Variants in ERC2 observed in about 807,000 individuals in gnomAD.
ERC2 encodes the protein ELKS/RAB6-interacting/CAST family member 2, also known as ERC protein 2.
ERC2 carries 42 observed loss-of-function variants against 114.8 expected under a neutral mutation model. The ratio of observed to expected loss-of-function variants is 0.37; its 90% CI spans 0.29 to 0.47. The LOEUF is 0.47. Ranked by LOEUF, ERC2 falls within the 20% of genes least tolerant of loss-of-function variation. The probability of loss-of-function intolerance (pLI) is 0.99; values close to 1 mark genes in which losing one functional copy is unlikely to be tolerated. For missense variants in ERC2, 939 were observed against 1,150.7 expected (o/e 0.82, Z 2.66); for synonymous variants, 454 against 425.5 (o/e 1.07, Z -0.82).
At chr3:56,423,681 G>GA (rs1235464179) in intron 2 of ERC2, among the ~76,000 whole-genome samples, 2 of 152,150 alleles carry the variant, frequency 1.3e-5, no homozygotes, top group Non-Finnish European at 2.9e-5. Context: ...TCAAGCACTG[G>GA]CTTCACAGAG....
rs1367669641 is a variant in ERC2 at position 56,220,569 on chromosome 3, G to A, written c.1075-47049C>T. ...CAACATAAAGCTGTCTCATCAGTCAGCAATGCCACTGTAGCTGGCGTGCCT... is the reference window on the plus strand; with the variant it reads ...CAACATAAAGCTGTCTCATCAGTCAACAATGCCACTGTAGCTGGCGTGCCT... On this transcript the variant is annotated intron_variant, in intron 3 of 17. Transcript: ENST00000288221. Among the ~76,000 whole-genome samples the A allele has an allele frequency of 3.9e-5, 6 of 152,234 alleles. No homozygotes were observed. The East Asian group carries it at 1.2e-3, about 29-fold the overall frequency.
chr3:56,239,972 T>C (rs1370793252), intron 3 of ERC2, among the ~76,000 whole-genome samples: 1 of 152,242 alleles, frequency 6.6e-6, no homozygotes, highest in Non-Finnish European at 1.5e-5. Context: ...AATTGATTTA[T>C]ACAGACAGGA....
At position 55,906,947 on chromosome 3, in the gene ERC2, C is replaced by G. The variant is rs188147624; in HGVS notation, c.2404-18398G>C. Among the ~76,000 whole-genome samples, 547 of 152,270 alleles carry G rather than the reference C, an allele frequency of 3.6e-3. 2 individuals are homozygous for G. Among genetic ancestry groups the G allele is most frequent in the African/African-American group, 0.012 (515 of 41,562 alleles). ...CAGCCATATCACTGGCATGGGAATCCTGCCTTTTCTGTAGTGATGGCCCAG... is the reference window on the plus strand; with the variant it reads ...CAGCCATATCACTGGCATGGGAATCGTGCCTTTTCTGTAGTGATGGCCCAG... On this transcript the variant is annotated intron_variant, in intron 13 of 17. Transcript: ENST00000288221.
chr3:55,686,345 A>T (rs2062331078), intron 16 of ERC2, among the ~76,000 whole-genome samples: 2 of 152,352 alleles, frequency 1.3e-5, no homozygotes, highest in South Asian at 4.1e-4. Context: ...TTAGTTTTTT[A>T]AAGTTTAAAG....
intron 14 of ERC2, among the ~76,000 whole-genome samples, chr3:55,740,704 A>G (rs531755518): frequency 6.6e-6 from 1 of 152,308 alleles, no homozygotes; most frequent in Admixed American, 6.5e-5. Context: ...CTAGAATTAA[A>G]CTAAATCTTA....
intron 14 of ERC2, among the ~76,000 whole-genome samples, chr3:55,855,429 A>G (rs1301971581): frequency 6.6e-6 from 1 of 152,274 alleles, no homozygotes; most frequent in Non-Finnish European, 1.5e-5. Flanking sequence ...AACTTCCAAG[A>G]AAAGTACATT....
intron 13 of ERC2, among the ~76,000 whole-genome samples, chr3:55,898,719 A>ATT (rs543601529): frequency 6.7e-6 from 1 of 149,228 alleles, no homozygotes; most frequent in Non-Finnish European, 1.5e-5. Context: ...TTGGATTTCC[A>ATT]TTTTTTTTTT....
intron 13 of ERC2, among the ~76,000 whole-genome samples, chr3:55,937,985 C>T (rs1355409407): frequency 6.6e-6 from 1 of 152,186 alleles, no homozygotes; most frequent in East Asian, 1.9e-4. Context: ...AAAACTCAAG[C>T]TGCCTTTACT....
At chr3:55,937,587 G>A in intron 13 of ERC2, among the ~76,000 whole-genome samples, 1 of 152,136 alleles carries the variant, frequency 6.6e-6, no homozygotes, top group South Asian at 2.1e-4. Flanking sequence ...CACCTCCAGG[G>A]GGGTCACTGA....
chr3:55,528,053 G>A (rs778452168), intron 17 of ERC2, among the ~76,000 whole-genome samples: 1 of 152,020 alleles, frequency 6.6e-6, no homozygotes, highest in Non-Finnish European at 1.5e-5. Flanking sequence ...TACATGAAAG[G>A]GCTTCATAAG....
intron 17 of ERC2, among the ~76,000 whole-genome samples, chr3:55,671,948 A>G (rs1464563140): frequency 6.6e-6 from 1 of 152,206 alleles, no homozygotes; most frequent in Admixed American, 6.5e-5. Context: ...ACCCTGGCCT[A>G]TTGAAGGCTC....
intron 17 of ERC2, among the ~76,000 whole-genome samples, chr3:55,604,250 T>TC (rs2058545996): frequency 6.6e-6 from 1 of 151,986 alleles, no homozygotes; most frequent in South Asian, 2.1e-4. Context: ...ACCGAGACCC[T>TC]CCCCTCAAAC....
intron 14 of ERC2, among the ~76,000 whole-genome samples, chr3:55,741,103 T>A (rs572241519): frequency 2.4e-4 from 37 of 152,322 alleles, no homozygotes; most frequent in African/African-American, 8.4e-4. Context: ...TATCCCTGCC[T>A]TAAAGGTCAG....
intron 3 of ERC2, among the ~76,000 whole-genome samples, chr3:56,255,938 C>G (rs2052485294): frequency 6.6e-6 from 1 of 152,176 alleles, no homozygotes; most frequent in Non-Finnish European, 1.5e-5. Context: ...CTGCATTTGA[C>G]AAGATTCCCA....
At position 56,240,162 on chromosome 3, in the gene ERC2, G is replaced by A. The variant is rs190930948; in HGVS notation, c.1074+55857C>T. Among the ~76,000 whole-genome samples, 290 of 152,306 alleles carry A rather than the reference G, an allele frequency of 1.9e-3. 2 individuals are homozygous for A. The highest frequency in any genetic ancestry group is 3.6e-3 in the Non-Finnish European group (245 of 68,030). On this transcript the variant is annotated intron_variant, in intron 3 of 17. Coordinates refer to ENST00000288221, the MANE Select transcript of ERC2 (RefSeq NM_015576.3). ...TTAAATCCTGTGCTTCTAACAAAGGGAAAGTTATAAGTAATGGACACGAAG... is the reference window on the plus strand; with the variant it reads ...TTAAATCCTGTGCTTCTAACAAAGGAAAAGTTATAAGTAATGGACACGAAG...
At chr3:56,290,360 T>C (rs1462057834) in intron 3 of ERC2, among the ~76,000 whole-genome samples, 3 of 152,250 alleles carry the variant, frequency 2.0e-5, no homozygotes, top group African/African-American at 4.8e-5. Context: ...CTGGGAATAC[T>C]GATGGAATGT....
chr3:56,108,981 T>A (rs1007814679), intron 6 of ERC2, among the ~76,000 whole-genome samples: 2 of 152,188 alleles, frequency 1.3e-5, no homozygotes, highest in African/African-American at 4.8e-5. Context: ...AGAAATTAAC[T>A]TAAATTCATG....
chr3:55,559,719 C>CCT (rs1392745250), intron 17 of ERC2, among the ~76,000 whole-genome samples: 1 of 152,226 alleles, frequency 6.6e-6, no homozygotes, highest in African/African-American at 2.4e-5. Context: ...TTGCCTTTGG[C>CCT]CTCTCTCCAC....
intron 14 of ERC2, among the ~76,000 whole-genome samples, chr3:55,883,948 T>C (rs2063244449): frequency 6.6e-6 from 1 of 151,420 alleles, no homozygotes; most frequent in Non-Finnish European, 1.5e-5. Flanking sequence ...CTGGAGAAAT[T>C]GGAATAATGT....
Sources: gnomAD v4.1 joint callset for allele counts (sites outside exome capture counted in the v4.1 genomes callset) on GRCh38, gnomAD v4.1.1 for gene constraint, MANE v1.5 for transcripts, NCBI Gene and HGNC (gene_info 2026-07-23, HGNC 2026-07-21) for gene names.